Variants in AKT3 observed in about 807,000 individuals in gnomAD.
AKT3 encodes RAC-gamma serine/threonine-protein kinase.
AKT3 carries 15 observed loss-of-function variants against 65.3 expected under a neutral mutation model. That is an observed-to-expected ratio of 0.23 (90% CI 0.15 to 0.35). The LOEUF is 0.35. Ranked by LOEUF, AKT3 falls within the 10% of genes least tolerant of loss-of-function variation. AKT3 has a pLI of 1.00. For synonymous variants in AKT3, 206 were observed against 183.8 expected, an observed-to-expected ratio of 1.12 and a Z score of -0.98; for missense variants, 243 against 576.5, an observed-to-expected ratio of 0.42 and a Z score of 5.92.
chr1:243,839,999 G>A (rs571226452), intron 2 of AKT3, among the ~76,000 whole-genome samples: 30 of 151,944 alleles, frequency 2.0e-4, no homozygotes, highest in African/African-American at 5.5e-4. Context: ...TGGCTAACAC[G>A]GTGAAATCTC....
chr1:243,711,059 G>A (rs1403134272), intron 2 of AKT3, among the ~76,000 whole-genome samples: 2 of 152,158 alleles, frequency 1.3e-5, no homozygotes, highest in African/African-American at 4.8e-5. Flanking sequence ...AGTGGCTCAC[G>A]CCTGTAATCC....
At chr1:243,574,838 G>T (rs1474405650) in intron 8 of AKT3, among the ~76,000 whole-genome samples, 1 of 152,022 alleles carries the variant, frequency 6.6e-6, no homozygotes, top group Non-Finnish European at 1.5e-5. Context: ...TGAAAATAGT[G>T]ATTAGGTTTC....
intron 2 of AKT3, among the ~76,000 whole-genome samples, chr1:243,808,523 G>T (rs1200936457): frequency 2.0e-5 from 3 of 152,172 alleles, no homozygotes; most frequent in African/African-American, 7.2e-5. Context: ...AGAAATATGG[G>T]ACTATGTGAA....
At chr1:243,591,110 A>G (rs2148550886) in intron 8 of AKT3, among the ~76,000 whole-genome samples, 1 of 151,650 alleles carries the variant, frequency 6.6e-6, no homozygotes, top group Non-Finnish European at 1.5e-5. Flanking sequence ...GACAGAAGAC[A>G]GTACCAAAGA....
At chr1:243,542,270 T>C (rs976319187) in intron 12 of AKT3, among the ~76,000 whole-genome samples, 1 of 152,242 alleles carries the variant, frequency 6.6e-6, no homozygotes, top group Admixed American at 6.5e-5. Flanking sequence ...TAAAGGATCA[T>C]ATCTTTTGCA....
In AKT3 at chr1:243,500,023, T is replaced by C; in HGVS notation, c.*5226A>G. 1 of 582,014 alleles carries C rather than the reference T, an allele frequency of 1.7e-6. No homozygotes were observed. The highest frequency in any genetic ancestry group is 2.2e-5 in the South Asian group (1 of 45,594). 36.1% of individuals were successfully genotyped at this position (582,014 alleles called of 1,614,324 possible). A position where few individuals can be genotyped will look rare whatever the true frequency, so the allele number is the denominator to read the frequency against. Reference sequence around the variant, plus strand: ...TGTTTTCAGAAATGGCTTGAAGTTATGTGTTTAAATCTGCTCATTCGTATG... The same window carrying C: ...TGTTTTCAGAAATGGCTTGAAGTTACGTGTTTAAATCTGCTCATTCGTATG... On this transcript the variant is annotated 3_prime_UTR_variant, in exon 14 of 14. Transcript: ENST00000673466.
chr1:243,824,016 T>C (rs200017127), intron 2 of AKT3, among the ~76,000 whole-genome samples: 2 of 151,962 alleles, frequency 1.3e-5, no homozygotes, highest in East Asian at 1.9e-4. Flanking sequence ...CTATACTACA[T>C]GGCTACAGAA....
At position 243,850,047 on chromosome 1, in the gene AKT3, G is replaced by A. The variant is rs1390081141; in HGVS notation, c.-120C>T. On this transcript the variant is annotated 5_prime_UTR_variant, in exon 1 of 14. Coordinates refer to ENST00000673466, the MANE Select transcript of AKT3 (RefSeq NM_005465.7). ...GGGGGCGGTGGCTGTTACCTGCAACGGCGGCGGCGGCGGTGGCGGCCCCGC... is the reference window on the plus strand; with the variant it reads ...GGGGGCGGTGGCTGTTACCTGCAACAGCGGCGGCGGCGGTGGCGGCCCCGC... The A allele has an allele frequency of 3.4e-4, 323 of 953,790 alleles. 1 individual carries two copies. The highest frequency in any genetic ancestry group is 8.0e-4 in the African/African-American group (28 of 34,948). The allele number at this position is 953,790 out of a possible 1,614,324, so 59.1% of individuals were successfully genotyped here. A position where few individuals can be genotyped will look rare whatever the true frequency, so the allele number is the denominator to read the frequency against.
At chr1:243,671,078 CTT>C (rs569050061) in intron 3 of AKT3, among the ~76,000 whole-genome samples, 13 of 137,150 alleles carry the variant, frequency 9.5e-5, no homozygotes, top group Non-Finnish European at 9.5e-5. Context: ...TAATAGATTC[CTT>C]TTTTTTTTTT....
chr1:243,637,948 G>A (rs988697475), intron 5 of AKT3, among the ~76,000 whole-genome samples: 1 of 151,994 alleles, frequency 6.6e-6, no homozygotes, highest in Non-Finnish European at 1.5e-5. Flanking sequence ...TCAGATGTTG[G>A]AGAAAATGAT....
At chr1:243,552,624 A>C in intron 11 of AKT3, 105 bp downstream of exon 11, 1 of 1,038,224 alleles carries the variant, frequency 9.6e-7, no homozygotes, top group Non-Finnish European at 1.4e-6. Context: ...AGATGTCTAC[A>C]CCAAATACAT....
chr1:243,834,364 A>G (rs1694750070), intron 2 of AKT3, among the ~76,000 whole-genome samples: 2 of 152,232 alleles, frequency 1.3e-5, no homozygotes, highest in Admixed American at 1.3e-4. Context: ...AGCAACATGG[A>G]TGGAGCTGGA....
chr1:243,663,794 A>C (rs544070368), intron 4 of AKT3, among the ~76,000 whole-genome samples: 2 of 152,216 alleles, frequency 1.3e-5, no homozygotes, highest in Non-Finnish European at 2.9e-5. Context: ...ATCAAATATA[A>C]TAACATGTGC....
At chr1:243,727,676 A>T (rs1687295721) in intron 2 of AKT3, among the ~76,000 whole-genome samples, 1 of 152,162 alleles carries the variant, frequency 6.6e-6, no homozygotes, top group Admixed American at 6.5e-5. Context: ...CAATAACTTG[A>T]GGTATTTAGA....
intron 2 of AKT3, chr1:243,808,370 C>A (rs1692891468): frequency 6.6e-6 from 1 of 152,162 alleles, no homozygotes; most frequent in Non-Finnish European, 1.5e-5. Flanking sequence ...GGCACGAGAA[C>A]TACGTGACGA....
chr1:243,725,433 G>GAAAA lies in AKT3; in HGVS notation c.47-29721_47-29718dup, dbSNP rs569561265. ...CACTGTGCTATCTGCAAAGATGCAG[G>GAAAA]AAAAAAAATTATAACACCACTCTCC... is the stretch of plus-strand genomic sequence containing the variant. On this transcript the variant is annotated intron_variant, in intron 2 of 13. Transcript: ENST00000673466. 4.7e-3 allele frequency among the ~76,000 whole-genome samples: 720 copies of GAAAA among 151,976 alleles called. 6 individuals carry two copies. Among genetic ancestry groups the GAAAA allele is most frequent in the African/African-American group, 0.017 (697 of 41,452 alleles).
chr1:243,790,369 G>A (rs1470865979), intron 2 of AKT3, among the ~76,000 whole-genome samples: 1 of 152,126 alleles, frequency 6.6e-6, no homozygotes, highest in African/African-American at 2.4e-5. Flanking sequence ...TTACGGAGAC[G>A]GCTTCTTTCC....
At chr1:243,830,475 T>C (rs1469439875) in intron 2 of AKT3, among the ~76,000 whole-genome samples, 1 of 152,090 alleles carries the variant, frequency 6.6e-6, no homozygotes, top group African/African-American at 2.4e-5. Context: ...AAAGAGGGAT[T>C]TTAGGGAAGA....
intron 3 of AKT3, 108 bp from the exon 4 acceptor site, chr1:243,664,991 C>T (rs1416678674): frequency 2.6e-5 from 12 of 466,736 alleles, no homozygotes; most frequent in Non-Finnish European, 3.8e-5. Flanking sequence ...TGCGAACTCA[C>T]AGCTTTCTAT....
Sources: gnomAD v4.1 joint callset for allele counts (sites outside exome capture counted in the v4.1 genomes callset) on GRCh38, gnomAD v4.1.1 for gene constraint, MANE v1.5 for transcripts, NCBI Gene and HGNC (gene_info 2026-07-23, HGNC 2026-07-21) for gene names.